FLAD1: variants seen among roughly 807,000 people sequenced by gnomAD.
FLAD1 encodes flavin adenine dinucleotide synthetase 1.
In FLAD1, 35 loss-of-function variants were observed where a neutral mutation model predicts 55.0. The ratio of observed to expected loss-of-function variants is 0.64; its 90% CI spans 0.49 to 0.84. FLAD1 has a LOEUF of 0.84. FLAD1 is among the 40% of genes least tolerant of loss of function. The pLI is 0.00. For synonymous variants in FLAD1, 267 were observed against 303.0 expected, an observed-to-expected ratio of 0.88 and a Z score of 1.23; for missense variants, 665 against 742.6, an observed-to-expected ratio of 0.90 and a Z score of 1.21.
chr1:154,983,810 C>T lies in FLAD1; in HGVS notation c.116C>T (p.Ala39Val), dbSNP rs757850585. The change falls in exon 1 of 7, where the codon GCT becomes GTT. Residue 39 changes from alanine to valine, a missense_variant. Coordinates refer to ENST00000292180, the MANE Select transcript of FLAD1 (RefSeq NM_025207.5). ...CTCGAAGGAAGCACGCGCACGCCTG[C>T]TCTCCCCCATTGTCTTTTCTGGCTT... ...VFLEGSTRTPALPHCLFWLLQ... is the reference protein window; with the variant it reads ...VFLEGSTRTPVLPHCLFWLLQ... 6 of 1,614,198 alleles carry T rather than the reference C, an allele frequency of 3.7e-6. No individual in the cohort carries two copies.
At chr1:154,988,062 T>C in intron 1 of FLAD1, 43 bp from the exon 2 acceptor site, 1 of 1,613,832 alleles carries the variant, frequency 6.2e-7, no homozygotes, top group Non-Finnish European at 8.5e-7. Context: ...CTCCCCTTCA[T>C]CCCTACAGTA....
At chr1:154,991,987 A>G (rs930231921) in intron 5 of FLAD1, among the ~76,000 whole-genome samples, 1 of 151,808 alleles carries the variant, frequency 6.6e-6, no homozygotes, top group Non-Finnish European at 1.5e-5. Flanking sequence ...CTAAAAAAAT[A>G]CAAAAATTAG....
rs1491220784 is a variant in FLAD1 at position 154,988,719 on chromosome 1, A to AC, written c.987_988insC (p.Glu330ArgfsTer35). 2 of 1,614,208 alleles carry AC rather than the reference A, an allele frequency of 1.2e-6. No individual in the cohort carries two copies. The highest frequency in any genetic ancestry group is 3.3e-5 in the Admixed American group (2 of 60,028). On this transcript the variant is annotated frameshift_variant, in exon 2 of 7. Coordinates refer to ENST00000292180, the MANE Select transcript of FLAD1 (RefSeq NM_025207.5). LOFTEE classifies it high-confidence loss of function. Reference sequence around the variant, plus strand: ...ATCAGGTGAAGCTGACTCTAGACTCAGAGGAAGAAGGACCCCTGGAGGAAT... The same window carrying AC: ...ATCAGGTGAAGCTGACTCTAGACTCACGAGGAAGAAGGACCCCTGGAGGAAT...
rs146082473 is a variant in FLAD1, at chr1:154,983,824, C to T, written c.130C>T (p.Leu44Phe). The change falls in exon 1 of 7, where the codon CTT becomes TTT. Residue 44 changes from leucine (L) to phenylalanine (F), a missense_variant. Physicochemically the swap from Leu to Phe is conservative, Grantham distance 22. Coordinates refer to ENST00000292180, the MANE Select transcript of FLAD1 (RefSeq NM_025207.5). ...STRTPALPHC[L>F]FWLLQVPSTQ... ...GCGCACGCCTGCTCTCCCCCATTGT[C>T]TTTTCTGGCTTCTCCAGGTTCCCTC... is the stretch of plus-strand genomic sequence containing the variant. 252 of 1,614,066 alleles carry T rather than the reference C, an allele frequency of 1.6e-4. No individual in the cohort carries two copies. The highest frequency in any genetic ancestry group is 2.1e-4 in the Non-Finnish European group (245 of 1,180,044).
intron 6 of FLAD1, 24 bp downstream of exon 6, chr1:154,992,810 T>TG (rs776860457): frequency 6.2e-7 from 1 of 1,614,076 alleles, no homozygotes. Flanking sequence ...GGGAAGGGAA[T>TG]GGGTAAGGGA....
At chr1:154,985,038 T>C (rs1000136839) in intron 1 of FLAD1, among the ~76,000 whole-genome samples, 2,187 of 125,202 alleles carry the variant, frequency 0.017, 25 homozygotes, top group Non-Finnish European at 0.025. Context: ...CTAATTTTTT[T>C]TTTTTTTTTT....
At chr1:154,992,813 G>A (rs1657939533) in intron 6 of FLAD1, 27 bp downstream of exon 6, 2 of 1,614,034 alleles carry the variant, frequency 1.2e-6, no homozygotes, top group Non-Finnish European at 1.7e-6. Flanking sequence ...AAGGGAATGG[G>A]TAAGGGAGTT....
In FLAD1 at chr1:154,983,480, T is replaced by C; in HGVS notation, c.-215T>C. Reference sequence around the variant, plus strand: ...CTAGAAAGGGTGCAGAAGCCTGAAGTAGAAAGAGACGGGATTTTGGTCCGG... The same window carrying C: ...CTAGAAAGGGTGCAGAAGCCTGAAGCAGAAAGAGACGGGATTTTGGTCCGG... On this transcript the variant is annotated 5_prime_UTR_variant, in exon 1 of 7. Transcript: ENST00000292180. 6.2e-6 allele frequency: 3 copies of C among 487,226 alleles called. No homozygotes were observed. The highest frequency in any genetic ancestry group is 5.3e-4 in the Middle Eastern group (1 of 1,886). The allele number at this position is 487,226 out of a possible 1,614,324, so 30.2% of individuals were successfully genotyped here. A position where few individuals can be genotyped will look rare whatever the true frequency, so the allele number is the denominator to read the frequency against.
chr1:154,983,836 CT>C lies in FLAD1; in HGVS notation c.143del (p.Leu48ProfsTer20). 1 of 1,614,208 alleles carries C rather than the reference CT, an allele frequency of 6.2e-7. No homozygotes were observed. The highest frequency in any genetic ancestry group is 8.5e-7 in the Non-Finnish European group (1 of 1,180,030). ...TCTCCCCCATTGTCTTTTCTGGCTT[CT>C]CCAGGTTCCCTCGACCCAGGACCCC... is the stretch of plus-strand genomic sequence containing the variant. ...PALPHCLFWLLQVPSTQDPLF... is the reference protein window; with the variant it reads ...PALPHCLFWLXQVPSTQDPLF... On this transcript the variant is annotated frameshift_variant, in exon 1 of 7. Transcript: ENST00000292180. LOFTEE classifies it high-confidence loss of function.
chr1:154,985,803 G>A (rs550808335), intron 1 of FLAD1, among the ~76,000 whole-genome samples: 17 of 139,806 alleles, frequency 1.2e-4, no homozygotes, highest in Admixed American at 2.4e-4. Context: ...TTGGCTCACC[G>A]TAACCTCCGC....
At chr1:154,992,170 C>T (rs1021589894) in intron 5 of FLAD1, among the ~76,000 whole-genome samples, 12 of 140,504 alleles carry the variant, frequency 8.5e-5, no homozygotes, top group Non-Finnish European at 3.1e-5. Flanking sequence ...TAGGGCCGGG[C>T]ATGGTGGCAC....
chr1:154,986,628 C>G lies in FLAD1; in HGVS notation c.373-1477C>G, dbSNP rs370205460. On this transcript the variant is annotated intron_variant, in intron 1 of 6. Transcript: ENST00000292180. ...TTCTCGCTATGTTAAACAGGCCAGC[C>G]TCAAGCAATTCTCCCACATCAGCCT... 4.0e-4 allele frequency among the ~76,000 whole-genome samples: 61 copies of G among 151,360 alleles called. 1 individual carries two copies. In the South Asian group the frequency reaches 0.012, roughly 29 times the overall value.
intron 2 of FLAD1, 22 bp from the exon 3 acceptor site, chr1:154,989,538 C>T (rs1657771628): frequency 1.3e-6 from 2 of 1,542,004 alleles, no homozygotes; most frequent in Non-Finnish European, 1.7e-6. Context: ...ATCTGATGCC[C>T]TCTTCCCTGC....
rs1160505823 is a variant in FLAD1 at position 154,984,043 on chromosome 1, A to G, written c.349A>G (p.Ile117Val). The G allele has an allele frequency of 6.6e-7, 1 of 1,512,012 alleles. No homozygotes were observed. Among genetic ancestry groups the G allele is most frequent in the Non-Finnish European group, 8.8e-7 (1 of 1,130,230 alleles). The allele number at this position is 1,512,012 out of a possible 1,614,324, so 93.7% of individuals were successfully genotyped here. ...PGRSVTAGII[I>V]VGDEILKGHT... is the part of the protein sequence containing the mutation. The stretch of plus-strand genomic sequence containing the variant: ...GCGCAGCGTGACGGCTGGCATCATC[A>G]TTGTTGGAGATGAGATCCTTAAGGT... Residue 117 changes from isoleucine (I) to valine (V), a missense_variant, in exon 1 of 7, where the codon ATT becomes GTT. Coordinates refer to ENST00000292180, the MANE Select transcript of FLAD1 (RefSeq NM_025207.5).
Position 154,990,532 on chromosome 1 carries a change from A to T in FLAD1, c.1554+4A>T, listed in dbSNP as rs1558076585. The T allele has an allele frequency of 6.3e-7, 1 of 1,593,200 alleles. No individual in the cohort carries two copies. Among genetic ancestry groups the T allele is most frequent in the Non-Finnish European group, 8.6e-7 (1 of 1,167,538 alleles). ...CATGCGCATCAACCCACTGCTGGTA[A>T]TGGGGAAGAGGGTTTATCACCTTCA... is the stretch of plus-strand genomic sequence containing the variant. On this transcript the variant is annotated splice_donor_region_variant and intron_variant, in intron 5 of 6. Coordinates refer to ENST00000292180, the MANE Select transcript of FLAD1 (RefSeq NM_025207.5).
At chr1:154,992,180 C>T (rs1445679778) in intron 5 of FLAD1, among the ~76,000 whole-genome samples, 3 of 147,800 alleles carry the variant, frequency 2.0e-5, no homozygotes, top group Non-Finnish European at 3.0e-5. Context: ...CATGGTGGCA[C>T]ACGCCTGTAA....
chr1:154,987,966 T>C, intron 1 of FLAD1, 139 bp from the exon 2 acceptor site: 1 of 1,553,832 alleles, frequency 6.4e-7, no homozygotes, highest in Admixed American at 1.9e-5. Context: ...TTGTGTCCAG[T>C]CCAGGCCCCT....
At position 154,992,699 on chromosome 1, in the gene FLAD1, C is replaced by T; in HGVS notation, c.1555-14C>T. 1.9e-6 allele frequency: 3 copies of T among 1,614,202 alleles called. No individual in the cohort carries two copies. The highest frequency in any genetic ancestry group is 2.5e-6 in the Non-Finnish European group (3 of 1,180,028). ...GTGAGCATTTGTGACTATTCTATTA[C>T]TCTGACCTCCCAGGACTGGACCTAC... On this transcript the variant is annotated splice_polypyrimidine_tract_variant and intron_variant, in intron 5 of 6. Coordinates refer to ENST00000292180, the MANE Select transcript of FLAD1 (RefSeq NM_025207.5).
intron 5 of FLAD1, chr1:154,991,225 A>AATATATATATAT (rs1553254617): frequency 2.4e-5 from 2 of 83,164 alleles, no homozygotes; most frequent in African/African-American, 1.1e-4. Context: ...AAAAAAAAAA[A>AATATATATATAT]ATATATATAT....
Sources: allele counts gnomAD v4.1 joint callset (sites outside exome capture counted in the v4.1 genomes callset), GRCh38; gene constraint gnomAD v4.1.1; transcripts MANE v1.5; gene names NCBI Gene and HGNC (gene_info 2026-07-23, HGNC 2026-07-21).